Variants in NELL1 observed in about 807,000 individuals in gnomAD.
The protein encoded by NELL1 is neural EGFL like 1, also known as protein kinase C-binding protein NELL1.
In NELL1, 76 loss-of-function variants were observed where a neutral mutation model predicts 107.4. The ratio of observed to expected loss-of-function variants is 0.71; its 90% CI spans 0.59 to 0.86. The LOEUF (loss-of-function observed/expected upper bound fraction) is 0.86. Ranked by LOEUF, NELL1 falls within the 40% of genes least tolerant of loss-of-function variation. NELL1 has a pLI of 0.00. For synonymous variants in NELL1, 353 were observed against 341.2 expected (o/e 1.03, Z -0.38); for missense variants, 1,024 against 1,005.5 (o/e 1.02, Z -0.25).
chr11:21,059,265 G>T lies in NELL1; in HGVS notation c.1301-54324G>T, dbSNP rs1473337497. Among the ~76,000 whole-genome samples the T allele has an allele frequency of 2.5e-3, 359 of 143,000 alleles. 1 individual carries two copies. The highest frequency in any genetic ancestry group is 4.5e-3 in the Admixed American group (65 of 14,424). 93.8% of individuals were successfully genotyped at this position (143,000 alleles called of 152,430 possible). A position where few individuals can be genotyped will look rare whatever the true frequency, so the allele number is the denominator to read the frequency against. ...GAGGGCACAGAACAAGTTTTGTTTT[G>T]TTTTTTTTTTTTTCAAATTTGTATC... On this transcript the variant is annotated intron_variant, in intron 12 of 19. Transcript: ENST00000357134.
At chr11:20,983,417 C>T (rs1489663563) in intron 12 of NELL1, among the ~76,000 whole-genome samples, 5 of 152,242 alleles carry the variant, frequency 3.3e-5, no homozygotes, top group African/African-American at 1.2e-4. Context: ...TACTACACCC[C>T]CCAGCTCAGA....
chr11:20,691,684 G>A (rs1486881825), intron 2 of NELL1, among the ~76,000 whole-genome samples: 1 of 151,866 alleles, frequency 6.6e-6, no homozygotes. Context: ...GATTTGGTTT[G>A]CCAGTATTTT....
intron 13 of NELL1, among the ~76,000 whole-genome samples, chr11:21,161,870 C>T (rs571130611): frequency 2.1e-4 from 31 of 150,918 alleles, no homozygotes; most frequent in African/African-American, 7.3e-4. Flanking sequence ...ACTAATTTCA[C>T]ATGTGGCTAA....
At chr11:21,307,600 G>A (rs1259930673) in intron 14 of NELL1, among the ~76,000 whole-genome samples, 1 of 151,880 alleles carries the variant, frequency 6.6e-6, no homozygotes, top group Non-Finnish European at 1.5e-5. Context: ...AGGATGTTAA[G>A]GATATTCTGG....
In NELL1 at chr11:21,541,835, T is replaced by C. The variant is rs139853537; in HGVS notation, c.1786+7321T>C. On this transcript the variant is annotated intron_variant, in intron 16 of 19. Transcript: ENST00000357134. ...AAATTTCCTGACAAGTATTATATGATAGTCAACATTTAACCTCCCTTCACC... is the reference window on the plus strand; with the variant it reads ...AAATTTCCTGACAAGTATTATATGACAGTCAACATTTAACCTCCCTTCACC... 3.7e-3 allele frequency among the ~76,000 whole-genome samples: 558 copies of C among 152,208 alleles called. 3 individuals carry two copies. The highest frequency in any genetic ancestry group is 0.012 in the African/African-American group (504 of 41,568).
At chr11:21,406,707 A>G (rs1327801616) in intron 15 of NELL1, among the ~76,000 whole-genome samples, 3 of 151,962 alleles carry the variant, frequency 2.0e-5, no homozygotes, top group African/African-American at 7.2e-5. Context: ...ATTTTTATTG[A>G]TACATAATAA....
intron 13 of NELL1, among the ~76,000 whole-genome samples, chr11:21,118,320 G>A (rs904448228): frequency 6.6e-6 from 1 of 152,002 alleles, no homozygotes; most frequent in Non-Finnish European, 1.5e-5. Context: ...ACAGGAGACA[G>A]GAGGAGAGCC....
chr11:20,940,450 G>A (rs913566918), intron 10 of NELL1, among the ~76,000 whole-genome samples: 8 of 151,992 alleles, frequency 5.3e-5, no homozygotes, highest in Non-Finnish European at 1.2e-4. Flanking sequence ...GTAGAGACGG[G>A]TTGTTGGCCA....
At chr11:21,316,009 A>T (rs1452503099) in intron 14 of NELL1, among the ~76,000 whole-genome samples, 2 of 152,082 alleles carry the variant, frequency 1.3e-5, no homozygotes, top group African/African-American at 4.8e-5. Context: ...TCTTTCCATA[A>T]GTTTTCTTCT....
chr11:21,460,626 T>C (rs975108572), intron 15 of NELL1, among the ~76,000 whole-genome samples: 1 of 152,094 alleles, frequency 6.6e-6, no homozygotes, highest in Non-Finnish European at 1.5e-5. Flanking sequence ...ATTTTAAGAA[T>C]AAACTGGGGA....
chr11:20,962,963 G>A (rs1439786325), intron 12 of NELL1, among the ~76,000 whole-genome samples: 2 of 152,232 alleles, frequency 1.3e-5, no homozygotes, highest in South Asian at 4.1e-4. Context: ...TTAAAGCAGG[G>A]GTCAAATACT....
At chr11:20,919,441 T>G (rs1850330799) in intron 7 of NELL1, 107 bp downstream of exon 7, 1 of 657,330 alleles carries the variant, frequency 1.5e-6, no homozygotes, top group East Asian at 2.7e-5. Context: ...GCATCTGCTA[T>G]ATGTTACTAC....
chr11:20,975,557 T>A (rs1851588707), intron 12 of NELL1, among the ~76,000 whole-genome samples: 1 of 139,862 alleles, frequency 7.1e-6, no homozygotes, highest in African/African-American at 2.6e-5. Flanking sequence ...TATACATATA[T>A]GTACAGATAT....
intron 5 of NELL1, among the ~76,000 whole-genome samples, chr11:20,917,334 A>G (rs1024096383): frequency 1.8e-4 from 27 of 151,966 alleles, no homozygotes; most frequent in Admixed American, 1.1e-3. Context: ...TCTTGAAATA[A>G]TAAGCCAAAA....
chr11:21,415,831 G>A (rs1261400894), intron 15 of NELL1, among the ~76,000 whole-genome samples: 1 of 151,986 alleles, frequency 6.6e-6, no homozygotes, highest in Non-Finnish European at 1.5e-5. Context: ...TGAAACTCAG[G>A]GATGTATGCC....
intron 2 of NELL1, among the ~76,000 whole-genome samples, chr11:20,685,745 C>T (rs1374443954): frequency 1.3e-5 from 2 of 151,980 alleles, no homozygotes; most frequent in Non-Finnish European, 1.5e-5. Context: ...TCATGTGTAT[C>T]ATCTGCCTTA....
At chr11:21,169,245 TAGGGTTCCACAC>T (rs1856551140) in intron 13 of NELL1, among the ~76,000 whole-genome samples, 1 of 151,870 alleles carries the variant, frequency 6.6e-6, no homozygotes. Flanking sequence ...GGATGTTGTT[TAGGGTTCCACAC>T]AGGGTACTCT....
chr11:21,413,766 T>G (rs1035079778), intron 15 of NELL1, among the ~76,000 whole-genome samples: 1 of 152,076 alleles, frequency 6.6e-6, no homozygotes, highest in Non-Finnish European at 1.5e-5. Flanking sequence ...GAAAAATATT[T>G]TTGAGGGTAT....
At chr11:21,571,493 C>T (rs1212965645) in intron 18 of NELL1, among the ~76,000 whole-genome samples, 1 of 151,778 alleles carries the variant, frequency 6.6e-6, no homozygotes, top group Non-Finnish European at 1.5e-5. Flanking sequence ...AAAGAATGGG[C>T]TGTTACAAAG....
Sources: allele counts gnomAD v4.1 joint callset (sites outside exome capture counted in the v4.1 genomes callset), GRCh38; gene constraint gnomAD v4.1.1; transcripts MANE v1.5; gene names NCBI Gene and HGNC (gene_info 2026-07-23, HGNC 2026-07-21).